Variants in NREP observed in about 807,000 individuals in gnomAD.
The protein encoded by NREP is neuronal regeneration related protein, also known as neuronal regeneration-related protein.
NREP carries 5 observed loss-of-function variants against 8.6 expected under a neutral mutation model. That is an observed-to-expected ratio of 0.58 (90% CI 0.30 to 1.22). NREP has a LOEUF of 1.22. Ranked by LOEUF, NREP falls within the 50% of genes most tolerant of loss-of-function variation. NREP has a pLI of 0.07. For synonymous variants in NREP, 27 were observed against 28.0 expected, an observed-to-expected ratio of 0.96 and a Z score of 0.11; for missense variants, 86 against 82.5, an observed-to-expected ratio of 1.04 and a Z score of -0.17.
chr5:111,970,559 C>G (rs1481599314), intron 2 of NREP, among the ~76,000 whole-genome samples: 1 of 152,070 alleles, frequency 6.6e-6, no homozygotes, highest in Non-Finnish European at 1.5e-5. Flanking sequence ...GGCGTGGTGG[C>G]TTATGCCCGT....
chr5:111,850,723 C>A (rs1289715182), intron 2 of NREP, among the ~76,000 whole-genome samples: 1 of 152,100 alleles, frequency 6.6e-6, no homozygotes, highest in Non-Finnish European at 1.5e-5. Context: ...CCTTTACTAC[C>A]CTTTTTGAAA....
chr5:111,956,226 A>G (rs1425849681), intron 2 of NREP, among the ~76,000 whole-genome samples: 1 of 152,166 alleles, frequency 6.6e-6, no homozygotes, highest in Non-Finnish European at 1.5e-5. Flanking sequence ...GGGCTCACAG[A>G]CAAGAATTGC....
chr5:111,853,690 T>C (rs185298246), intron 2 of NREP, among the ~76,000 whole-genome samples: 237 of 152,250 alleles, frequency 1.6e-3, no homozygotes, highest in Non-Finnish European at 2.5e-3. Flanking sequence ...TCTTTTTTTT[T>C]TCTTAAAACC....
At position 111,730,952 on chromosome 5, in the gene NREP, G is replaced by A. The variant is rs143712463; in HGVS notation, c.176C>T (p.Ser59Phe). ...LTPLGSSELR[S>F]PRISYLHFF ...AAAGTGGAGGTAACTGATTCTTGGG[G>A]AGCGGAGTTCACTGCTGCCCAGTGG... The change falls in exon 4 of 4, where the codon TCC (serine) becomes TTC (phenylalanine). Residue 59 changes from serine (S) to phenylalanine (F), a missense_variant. Transcript: ENST00000257435. The A allele has an allele frequency of 6.2e-7, 1 of 1,613,846 alleles. No individual in the cohort carries two copies. The highest frequency in any genetic ancestry group is 2.2e-5 in the East Asian group (1 of 44,868).
chr5:111,887,071 A>C (rs1754278259), intron 2 of NREP, among the ~76,000 whole-genome samples: 1 of 151,910 alleles, frequency 6.6e-6, no homozygotes, highest in Non-Finnish European at 1.5e-5. Context: ...CTACAGGTGC[A>C]TGCCACTATG....
intron 2 of NREP, among the ~76,000 whole-genome samples, chr5:111,801,031 G>A (rs1238873629): frequency 6.6e-6 from 1 of 152,200 alleles, no homozygotes; most frequent in African/African-American, 2.4e-5. Context: ...TAGTTTTGGA[G>A]CAACTCCCTG....
chr5:111,962,101 C>T (rs902446002), intron 2 of NREP, among the ~76,000 whole-genome samples: 1 of 152,142 alleles, frequency 6.6e-6, no homozygotes, highest in African/African-American at 2.4e-5. Context: ...CTCAGGTTGC[C>T]TAAATAGTTC....
chr5:111,880,730 C>CTTTTTTTTT (rs140190021), intron 2 of NREP, among the ~76,000 whole-genome samples: 1 of 92,178 alleles, frequency 1.1e-5, no homozygotes, highest in African/African-American at 4.2e-5. Context: ...GAACATAAGC[C>CTTTTTTTTT]TTTTTTTTTT....
At chr5:111,918,388 C>A (rs529736917) in intron 2 of NREP, among the ~76,000 whole-genome samples, 4 of 152,102 alleles carry the variant, frequency 2.6e-5, no homozygotes, top group Non-Finnish European at 4.4e-5. Flanking sequence ...GAAAAGCACC[C>A]GTATAGCCAA....
intron 2 of NREP, among the ~76,000 whole-genome samples, chr5:111,971,892 A>C (rs1032573867): frequency 1.3e-5 from 2 of 152,168 alleles, no homozygotes; most frequent in African/African-American, 4.8e-5. Context: ...ATAGACAAAA[A>C]AGGAGTATAT....
At chr5:111,753,449 C>A (rs1750506654) in intron 2 of NREP, among the ~76,000 whole-genome samples, 1 of 149,940 alleles carries the variant, frequency 6.7e-6, no homozygotes, top group South Asian at 2.1e-4. Context: ...TTAAGTGTCT[C>A]CACATTATTG....
chr5:111,892,202 G>A (rs1754411026), intron 2 of NREP, among the ~76,000 whole-genome samples: 2 of 152,136 alleles, frequency 1.3e-5, no homozygotes, highest in Admixed American at 6.5e-5. Flanking sequence ...ATTACTATGG[G>A]TACCTATGAG....
chr5:111,961,728 G>A (rs978740816), intron 2 of NREP, among the ~76,000 whole-genome samples: 4 of 152,168 alleles, frequency 2.6e-5, no homozygotes, highest in East Asian at 1.9e-4. Flanking sequence ...GAATATTACT[G>A]ATTCCCTAAT....
At chr5:111,943,996 G>C (rs554549825) in intron 2 of NREP, among the ~76,000 whole-genome samples, 69 of 152,170 alleles carry the variant, frequency 4.5e-4, no homozygotes, top group Non-Finnish European at 8.2e-4. Context: ...TCTATTGAGA[G>C]AGCTGATGAA....
In NREP at chr5:111,773,546, G is replaced by A. The variant is rs115708932; in HGVS notation, c.136-38039C>T. On this transcript the variant is annotated intron_variant, in intron 2 of 3. Transcript: ENST00000395634. ...GATTTATCTTTAATAAAATTTGTTG[G>A]GGAGGATTGGAAATCTGTTGTTTTC... Among the ~76,000 whole-genome samples, 1,017 of 152,230 alleles carry A rather than the reference G, an allele frequency of 6.7e-3. 5 individuals are homozygous for A. The highest frequency in any genetic ancestry group is 0.011 in the Non-Finnish European group (772 of 68,004).
intron 2 of NREP, among the ~76,000 whole-genome samples, chr5:111,922,892 G>T: frequency 6.6e-6 from 1 of 152,156 alleles, no homozygotes; most frequent in East Asian, 1.9e-4. Context: ...GGCTTCAAGG[G>T]TGTTGGCACT....
chr5:111,796,045 GA>G (rs1751865625), intron 2 of NREP, among the ~76,000 whole-genome samples: 1 of 152,196 alleles, frequency 6.6e-6, no homozygotes, highest in African/African-American at 2.4e-5. Context: ...CTAGAGGTCA[GA>G]AGTCTGAAAT....
intron 2 of NREP, among the ~76,000 whole-genome samples, chr5:111,809,006 C>A (rs184904571): frequency 6.6e-6 from 1 of 152,356 alleles, no homozygotes; most frequent in African/African-American, 2.4e-5. Context: ...TCCTCTCCAT[C>A]ATTTGTACAT....
At chr5:111,782,356 C>T (rs1254581334) in intron 2 of NREP, among the ~76,000 whole-genome samples, 1 of 152,162 alleles carries the variant, frequency 6.6e-6, no homozygotes, top group Non-Finnish European at 1.5e-5. Context: ...TAACCTAAAG[C>T]ACTTTGTTAG....
Sources: allele counts gnomAD v4.1 joint callset (sites outside exome capture counted in the v4.1 genomes callset), GRCh38; gene constraint gnomAD v4.1.1; transcripts MANE v1.5; gene names NCBI Gene and HGNC (gene_info 2026-07-23, HGNC 2026-07-21).